The following CRKL variants were observed in gnomAD, a reference collection of about 807,000 sequenced individuals.
The protein encoded by CRKL is CRK like proto-oncogene, adaptor protein.
In CRKL, 3 loss-of-function variants were observed where a neutral mutation model predicts 23.0. That is an observed-to-expected ratio of 0.13 (90% CI 0.06 to 0.34). CRKL has a LOEUF of 0.34. CRKL is among the 10% of genes least tolerant of loss of function. The pLI, the probability that CRKL is intolerant of heterozygous loss-of-function variation, is 1.00. For synonymous variants in CRKL, 188 were observed against 160.7 expected (o/e 1.17, Z -1.28); for missense variants, 256 against 394.5 (o/e 0.65, Z 2.97).
intron 2 of CRKL, among the ~76,000 whole-genome samples, chr22:20,942,690 G>A (rs546761139): frequency 6.6e-6 from 1 of 151,662 alleles, no homozygotes; most frequent in South Asian, 2.1e-4. Flanking sequence ...GCACCATCTC[G>A]GCTCACTGCA....
At chr22:20,941,881 T>C (rs1031829359) in intron 2 of CRKL, among the ~76,000 whole-genome samples, 1 of 152,134 alleles carries the variant, frequency 6.6e-6, no homozygotes, top group Non-Finnish European at 1.5e-5. Flanking sequence ...TTTTTGTTCC[T>C]CTTTCCTAAT....
intron 2 of CRKL, among the ~76,000 whole-genome samples, chr22:20,945,078 C>T (rs917179607): frequency 6.6e-5 from 10 of 151,666 alleles, no homozygotes; most frequent in African/African-American, 9.7e-5. Flanking sequence ...ACTGCAAGCG[C>T]CACCTCCCGG....
intron 1 of CRKL, among the ~76,000 whole-genome samples, chr22:20,930,820 A>T (rs1399362390): frequency 6.7e-6 from 1 of 150,092 alleles, no homozygotes; most frequent in African/African-American, 2.5e-5. Context: ...GGCTGGGACT[A>T]CAGGCGTGTG....
rs755863490 is a variant in CRKL, at chr22:20,933,789, C to T, written c.322C>T (p.Pro108Ser). Residue 108 changes from proline (P) to serine (S), a missense_variant, in exon 2 of 3, where the codon CCA becomes TCA. Coordinates refer to ENST00000354336, the MANE Select transcript of CRKL (RefSeq NM_005207.4). ...TCTTTCTCTCTTAAGGTATCCAAGC[C>T]CACCAATGGGATCTGTCTCAGCACC... ...LIEPAPRYPSPPMGSVSAPNL... is the reference protein window; with the variant it reads ...LIEPAPRYPSSPMGSVSAPNL... 1 of 1,611,312 alleles carries T rather than the reference C, an allele frequency of 6.2e-7. No individual in the cohort carries two copies.
At chr22:20,941,450 G>A (rs886877454) in intron 2 of CRKL, among the ~76,000 whole-genome samples, 19 of 149,510 alleles carry the variant, frequency 1.3e-4, no homozygotes, top group African/African-American at 4.5e-4. Flanking sequence ...GCAAATGTAG[G>A]AATCTTTAGA....
chr22:20,946,036 C>T (rs1398805295), intron 2 of CRKL, among the ~76,000 whole-genome samples: 1 of 152,198 alleles, frequency 6.6e-6, no homozygotes, highest in Non-Finnish European at 1.5e-5. Context: ...CATACAACTT[C>T]GCAGGATGTT....
intron 2 of CRKL, among the ~76,000 whole-genome samples, chr22:20,944,654 C>T (rs946702129): frequency 1.1e-4 from 16 of 152,176 alleles, no homozygotes; most frequent in Middle Eastern, 3.4e-3. Flanking sequence ...CCACCTGCCT[C>T]GGCCTCCCAA....
Position 20,924,724 on chromosome 22 carries a change from G to A in CRKL, c.311+6479G>A, listed in dbSNP as rs534063103. Among the ~76,000 whole-genome samples, 15 of 152,222 alleles carry A rather than the reference G, an allele frequency of 9.9e-5. No homozygotes were observed. In the East Asian group the frequency reaches 2.3e-3, roughly 24 times the overall value. ...CAAAAAATTAGCTGGGCATGGCGGC[G>A]TGTGCCTAAGAGGCTAAAGGCAGGA... is the stretch of plus-strand genomic sequence containing the variant. On this transcript the variant is annotated intron_variant, in intron 1 of 2. Transcript: ENST00000354336.
At chr22:20,919,211 A>G (rs1929799172) in intron 1 of CRKL, among the ~76,000 whole-genome samples, 1 of 152,182 alleles carries the variant, frequency 6.6e-6, no homozygotes, top group Non-Finnish European at 1.5e-5. Flanking sequence ...CTTTTATAGT[A>G]CGTTAATTAC....
chr22:20,944,068 G>T (rs1240924031), intron 2 of CRKL, among the ~76,000 whole-genome samples: 1 of 146,822 alleles, frequency 6.8e-6, no homozygotes, highest in African/African-American at 2.5e-5. Context: ...TCCCATTGCT[G>T]CAAAAAAAAA....
At position 20,948,251 on chromosome 22, in the gene CRKL, T is replaced by G. The variant is rs556158344; in HGVS notation, c.778-1460T>G. ...CCTCATCTTTAATCTTCCCGTAGTC[T>G]TCTTTGGCTGCTTAGTATCCATCAC... On this transcript the variant is annotated intron_variant, in intron 2 of 2. Coordinates refer to ENST00000354336, the MANE Select transcript of CRKL (RefSeq NM_005207.4). Among the ~76,000 whole-genome samples the G allele has an allele frequency of 5.2e-4, 79 of 152,318 alleles. 2 individuals carry two copies. Among genetic ancestry groups the G allele is most frequent in the Admixed American group, 2.1e-3 (32 of 15,296 alleles).
At position 20,953,128 on chromosome 22, in the gene CRKL, G is replaced by C. The variant is rs1205401854; in HGVS notation, c.*3283G>C. ...AAAGGGATGATGTGGTTTTTTGCCAGGTGTTTATAATTAATCCTTTAATAT... is the reference window on the plus strand; with the variant it reads ...AAAGGGATGATGTGGTTTTTTGCCACGTGTTTATAATTAATCCTTTAATAT... On this transcript the variant is annotated 3_prime_UTR_variant, in exon 3 of 3. Coordinates refer to ENST00000354336, the MANE Select transcript of CRKL (RefSeq NM_005207.4). The C allele has an allele frequency of 8.6e-6, 2 of 231,796 alleles. No individual in the cohort carries two copies. The highest frequency in any genetic ancestry group is 2.2e-5 in the African/African-American group (1 of 45,192). 14.4% of individuals were successfully genotyped at this position (231,796 alleles called of 1,614,324 possible).
intron 2 of CRKL, among the ~76,000 whole-genome samples, chr22:20,937,079 T>C (rs1921690469): frequency 6.6e-6 from 1 of 151,936 alleles, no homozygotes; most frequent in Non-Finnish European, 1.5e-5. Flanking sequence ...CTTGAACTCC[T>C]AGCCTCTGAT....
At position 20,952,062 on chromosome 22, in the gene CRKL, C is replaced by T; in HGVS notation, c.*2217C>T. ...CTAGAAACAGTGTTTGCCCTTTGGC[C>T]AGTGACGTGGTTCATCCCGGCCCAT... On this transcript the variant is annotated 3_prime_UTR_variant, in exon 3 of 3. Coordinates refer to ENST00000354336, the MANE Select transcript of CRKL (RefSeq NM_005207.4). 1 of 226,842 alleles carries T rather than the reference C, an allele frequency of 4.4e-6. No homozygotes were observed. The highest frequency in any genetic ancestry group is 8.8e-6 in the Non-Finnish European group (1 of 114,096). 14.1% of individuals were successfully genotyped at this position (226,842 alleles called of 1,614,324 possible).
At chr22:20,942,065 A>C (rs962471768) in intron 2 of CRKL, among the ~76,000 whole-genome samples, 1 of 152,152 alleles carries the variant, frequency 6.6e-6, no homozygotes, top group Non-Finnish European at 1.5e-5. Context: ...GTTTATTCTC[A>C]TGACTGCTCC....
At chr22:20,925,186 C>CAAAAAAA (rs11451684) in intron 1 of CRKL, among the ~76,000 whole-genome samples, 1 of 101,000 alleles carries the variant, frequency 9.9e-6, no homozygotes, top group Non-Finnish European at 1.9e-5. Context: ...GACTCCGTCT[C>CAAAAAAA]AAAAAAAAAA....
At chr22:20,932,297 A>G (rs1035132621) in intron 1 of CRKL, among the ~76,000 whole-genome samples, 1 of 151,808 alleles carries the variant, frequency 6.6e-6, no homozygotes, top group Non-Finnish European at 1.5e-5. Flanking sequence ...TTTAGTAGAG[A>G]CAGGGTTTTG....
chr22:20,938,814 G>T (rs1057391294), intron 2 of CRKL, among the ~76,000 whole-genome samples: 1 of 152,130 alleles, frequency 6.6e-6, no homozygotes, highest in Non-Finnish European at 1.5e-5. Context: ...TTGTATTTAA[G>T]TGTCTAAATG....
At chr22:20,923,524 G>A (rs1321276491) in intron 1 of CRKL, among the ~76,000 whole-genome samples, 2 of 150,876 alleles carry the variant, frequency 1.3e-5, no homozygotes, top group African/African-American at 2.4e-5. Context: ...TGAACCGCCC[G>A]CCTGGGCCTC....
Sources: gnomAD v4.1 joint callset for allele counts (sites outside exome capture counted in the v4.1 genomes callset) on GRCh38, gnomAD v4.1.1 for gene constraint, MANE v1.5 for transcripts, NCBI Gene and HGNC (gene_info 2026-07-23, HGNC 2026-07-21) for gene names.